The following TOPAZ1 variants were observed in gnomAD, a reference collection of about 807,000 sequenced individuals.
TOPAZ1 encodes protein TOPAZ1.
A neutral mutation model predicts 172.2 loss-of-function variants in TOPAZ1; 66 were observed. That is an observed-to-expected ratio of 0.38 (90% CI 0.31 to 0.47). The LOEUF is 0.47. Among genes scored for constraint, TOPAZ1 ranks in the 20% least tolerant of loss-of-function variants. TOPAZ1 has a pLI of 0.99. For synonymous variants in TOPAZ1, 681 were observed against 683.9 expected (o/e 1.00, Z 0.07); for missense variants, 1,822 against 1,972.4 (o/e 0.92, Z 1.44).
At chr3:44,291,071 C>A (rs1238891702) in intron 12 of TOPAZ1, among the ~76,000 whole-genome samples, 185 bp downstream of exon 12, 1 of 152,042 alleles carries the variant, frequency 6.6e-6, no homozygotes, top group Non-Finnish European at 1.5e-5. Context: ...CCAGCCTCAC[C>A]TTATTTTTCT....
intron 12 of TOPAZ1, among the ~76,000 whole-genome samples, chr3:44,300,098 A>G (rs1026262860): frequency 1.3e-5 from 2 of 150,872 alleles, no homozygotes; most frequent in African/African-American, 4.9e-5. Flanking sequence ...AACTTAAAGT[A>G]TAATAATAAT....
intron 16 of TOPAZ1, among the ~76,000 whole-genome samples, chr3:44,316,050 C>T (rs371743099): frequency 9.9e-5 from 15 of 151,364 alleles, no homozygotes; most frequent in African/African-American, 1.9e-4. Flanking sequence ...GCCTGGGCAA[C>T]GTAGGGAGAC....
At chr3:44,334,603 G>A (rs750309166), downstream of TOPAZ1, among the ~76,000 whole-genome samples, 1 of 152,094 alleles carries the variant, frequency 6.6e-6, no homozygotes, top group Non-Finnish European at 1.5e-5. Context: ...AAGAGGCAGG[G>A]ACCAAATATT....
chr3:44,313,688 C>G (rs2125702524), intron 16 of TOPAZ1, among the ~76,000 whole-genome samples: 1 of 151,300 alleles, frequency 6.6e-6, no homozygotes, highest in East Asian at 1.9e-4. Flanking sequence ...GATATAGCTT[C>G]TATACAAACA....
chr3:44,305,031 T>A, intron 13 of TOPAZ1, 116 bp from the exon 14 acceptor site: 1 of 694,260 alleles, frequency 1.4e-6, no homozygotes. Flanking sequence ...AGATTTTGTC[T>A]TATTAATTTA....
chr3:44,269,318 AAAT>A lies in TOPAZ1; in HGVS notation c.3246+27_3246+29del, dbSNP rs1191992798. ...AATGTGGGGGTAAGTCTACTTTAAA[AAAT>A]AATAATAATCTGTCTCTTTCTCCTC... On this transcript the variant is annotated intron_variant, in intron 7 of 19. Coordinates refer to ENST00000309765, the MANE Select transcript of TOPAZ1 (RefSeq NM_001145030.2). 2 of 1,423,424 alleles carry A rather than the reference AAAT, an allele frequency of 1.4e-6. No homozygotes were observed. Among genetic ancestry groups the A allele is most frequent in the Non-Finnish European group, 9.7e-7 (1 of 1,030,786 alleles). 88.2% of individuals were successfully genotyped at this position (1,423,424 alleles called of 1,614,324 possible). A position where few individuals can be genotyped will look rare whatever the true frequency, so the allele number is the denominator to read the frequency against.
At chr3:44,247,212 C>A (rs902568933) in intron 2 of TOPAZ1, among the ~76,000 whole-genome samples, 1 of 151,986 alleles carries the variant, frequency 6.6e-6, no homozygotes. Flanking sequence ...TTGGATCATG[C>A]CATTTTTTAG....
At chr3:44,246,794 A>T (rs966823359) in intron 2 of TOPAZ1, among the ~76,000 whole-genome samples, 3 of 152,172 alleles carry the variant, frequency 2.0e-5, no homozygotes, top group African/African-American at 7.2e-5. Context: ...ATCTTTCTGT[A>T]AAAAGGGAAA....
intron 8 of TOPAZ1, among the ~76,000 whole-genome samples, chr3:44,280,085 G>A (rs990398070): frequency 6.6e-6 from 1 of 152,042 alleles, no homozygotes; most frequent in Non-Finnish European, 1.5e-5. Flanking sequence ...CTCAGCTTTT[G>A]CTTGTCTGGG....
chr3:44,258,174 G>A (rs1317700639), intron 4 of TOPAZ1, among the ~76,000 whole-genome samples: 1 of 152,160 alleles, frequency 6.6e-6, no homozygotes, highest in African/African-American at 2.4e-5. Context: ...TTCTAATAGA[G>A]GCATTTAGTG....
At chr3:44,256,409 G>C in intron 4 of TOPAZ1, 131 bp downstream of exon 4, 1 of 812,606 alleles carries the variant, frequency 1.2e-6, no homozygotes, top group Middle Eastern at 2.3e-4. Flanking sequence ...CGTCACTCTA[G>C]CCATGGGATG....
intron 18 of TOPAZ1, among the ~76,000 whole-genome samples, chr3:44,323,818 CAAAT>C (rs1464051727): frequency 6.6e-6 from 1 of 152,180 alleles, no homozygotes; most frequent in African/African-American, 2.4e-5. Flanking sequence ...TGTTCTCTAA[CAAAT>C]AAGCCTGGAA....
intron 8 of TOPAZ1, among the ~76,000 whole-genome samples, chr3:44,272,822 G>A (rs1249468771): frequency 4.6e-5 from 7 of 152,180 alleles, no homozygotes; most frequent in South Asian, 2.1e-4. Context: ...GCCTCCCAAA[G>A]TGCTGGGATG....
At chr3:44,301,071 C>A (rs1368664881) in intron 12 of TOPAZ1, among the ~76,000 whole-genome samples, 1 of 152,002 alleles carries the variant, frequency 6.6e-6, no homozygotes, top group African/African-American at 2.4e-5. Flanking sequence ...GTAATATTCC[C>A]GAGATAACAA....
rs1400245318 is a variant in TOPAZ1, at chr3:44,243,284, T to C, written c.778T>C (p.Ser260Pro). ...GGCMHVAENF[S>P]KKENLRSLAE... ...ATGTATGCATGTAGCAGAAAATTTC[T>C]CAAAGAAAGAAAACCTTAGGAGTCT... Residue 260 changes from serine to proline, a missense_variant, in exon 2 of 20, where the codon TCA becomes CCA. Ser to Pro is a moderately conservative substitution (Grantham distance 74). Transcript: ENST00000309765. 8.4e-6 allele frequency: 13 copies of C among 1,551,526 alleles called. No homozygotes were observed. The highest frequency in any genetic ancestry group is 1.1e-5 in the Non-Finnish European group (13 of 1,146,930).
chr3:44,317,871 T>G lies in TOPAZ1; in HGVS notation c.4307-3156T>G, dbSNP rs759661061. On this transcript the variant is annotated intron_variant, in intron 16 of 19. Coordinates refer to ENST00000309765, the MANE Select transcript of TOPAZ1 (RefSeq NM_001145030.2). Reference sequence around the variant, plus strand: ...ATAAAAGTATTTATGTTGGTAGAATTGTGAACTAGCTAGATTAAATTTAAA... The same window carrying G: ...ATAAAAGTATTTATGTTGGTAGAATGGTGAACTAGCTAGATTAAATTTAAA... Among the ~76,000 whole-genome samples, 168 of 152,342 alleles carry G rather than the reference T, an allele frequency of 1.1e-3. No individual in the cohort carries two copies. The Middle Eastern group carries it at 0.024, about 22-fold the overall frequency.
At chr3:44,261,635 C>T (rs969628632) in intron 4 of TOPAZ1, among the ~76,000 whole-genome samples, 1 of 152,040 alleles carries the variant, frequency 6.6e-6, no homozygotes. Context: ...CTTGTCTATT[C>T]GCACTCTTTT....
intron 8 of TOPAZ1, among the ~76,000 whole-genome samples, chr3:44,272,309 G>C (rs935981696): frequency 9.2e-5 from 14 of 152,108 alleles, no homozygotes; most frequent in Admixed American, 4.6e-4. Flanking sequence ...TTAGTTTTTT[G>C]AGGAATGACC....
intron 2 of TOPAZ1, among the ~76,000 whole-genome samples, chr3:44,251,849 G>C (rs1699635841): frequency 6.6e-6 from 1 of 151,864 alleles, no homozygotes; most frequent in South Asian, 2.1e-4. Context: ...TCCTTTCGTT[G>C]TTCTTCCCTT....
Sources: gnomAD v4.1 joint callset for allele counts (sites outside exome capture counted in the v4.1 genomes callset) on GRCh38, gnomAD v4.1.1 for gene constraint, MANE v1.5 for transcripts, NCBI Gene and HGNC (gene_info 2026-07-23, HGNC 2026-07-21) for gene names.